SUMF1: variants seen among roughly 807,000 people sequenced by gnomAD.
SUMF1 encodes sulfatase modifying factor 1.
SUMF1 carries 48 observed loss-of-function variants against 47.6 expected under a neutral mutation model. The observed-to-expected ratio is 1.01, with a 90% CI of 0.80 to 1.28. The LOEUF (loss-of-function observed/expected upper bound fraction) is 1.28, where lower values mean the gene tolerates loss of function less well. Ranked by LOEUF, SUMF1 falls within the 50% of genes most tolerant of loss-of-function variation. SUMF1 has a pLI of 0.00. For missense variants in SUMF1, 571 were observed against 485.4 expected (o/e 1.18, Z -1.66); for synonymous variants, 230 against 192.1 (o/e 1.20, Z -1.63).
At chr3:4,435,891 A>C (rs891299526) in intron 3 of SUMF1, among the ~76,000 whole-genome samples, 8 of 152,248 alleles carry the variant, frequency 5.3e-5, no homozygotes, top group Admixed American at 2.0e-4. Context: ...TTTAGGCTGA[A>C]GAGAAATGAT....
At chr3:4,427,595 T>C (rs1702107603) in intron 3 of SUMF1, among the ~76,000 whole-genome samples, 1 of 152,246 alleles carries the variant, frequency 6.6e-6, no homozygotes, top group African/African-American at 2.4e-5. Flanking sequence ...GATGACTTAA[T>C]AGACTGCATG....
intron 8 of SUMF1, among the ~76,000 whole-genome samples, chr3:4,254,686 C>G (rs1333088347): frequency 6.7e-6 from 1 of 149,594 alleles, no homozygotes; most frequent in African/African-American, 2.5e-5. Context: ...TTGGAAAACA[C>G]TCTGCAGGAA....
chr3:4,070,504 C>A (rs1033865484), intron 8 of SUMF1, among the ~76,000 whole-genome samples: 13 of 152,258 alleles, frequency 8.5e-5, no homozygotes, highest in African/African-American at 3.1e-4. Context: ...ACATGAACAA[C>A]CAATGAAATT....
intron 6 of SUMF1, among the ~76,000 whole-genome samples, chr3:4,416,542 T>C (rs1490132935): frequency 6.6e-6 from 1 of 152,194 alleles, no homozygotes; most frequent in African/African-American, 2.4e-5. Context: ...GCAAATACGG[T>C]AGTTAAGAGC....
intron 8 of SUMF1, among the ~76,000 whole-genome samples, chr3:4,352,321 A>C (rs1184268102): frequency 1.3e-5 from 2 of 152,156 alleles, no homozygotes; most frequent in Non-Finnish European, 2.9e-5. Flanking sequence ...CTACTCTGCA[A>C]ATTAAATTAG....
chr3:4,451,962 C>A lies in SUMF1; in HGVS notation c.444+914G>T, dbSNP rs552595690. Among the ~76,000 whole-genome samples the A allele has an allele frequency of 1.5e-4, 23 of 152,258 alleles. 1 individual carries two copies. In the South Asian group the frequency reaches 4.3e-3, roughly 29 times the overall value. On this transcript the variant is annotated intron_variant, in intron 2 of 8. Transcript: ENST00000272902. Reference sequence around the variant, plus strand: ...CCTCCCAACGTGCTGAGATTACAGGCGTGAGCCACCGCGCCTGGCCCAAAA... The same window carrying A: ...CCTCCCAACGTGCTGAGATTACAGGAGTGAGCCACCGCGCCTGGCCCAAAA...
rs560019273 is a variant in SUMF1, at chr3:4,253,110, G to C, written c.1014+123220C>G. The stretch of plus-strand genomic sequence containing the variant: ...ACATGTAGTGTAATGAAAGAAAAAA[G>C]GCACTGTGAAAAGGCTTTTGGGTTA... On this transcript the variant is annotated intron_variant and NMD_transcript_variant, in intron 8 of 12. Coordinates refer to the SUMF1 transcript ENST00000448413. Among the ~76,000 whole-genome samples the C allele has an allele frequency of 3.9e-5, 6 of 152,240 alleles. No homozygotes were observed. The East Asian group carries it at 5.8e-4, about 15-fold the overall frequency.
chr3:4,182,746 G>C (rs1218209602), intron 8 of SUMF1, among the ~76,000 whole-genome samples: 1 of 152,096 alleles, frequency 6.6e-6, no homozygotes, highest in Non-Finnish European at 1.5e-5. Context: ...TGGAACACTT[G>C]CGGTTACACT....
intron 8 of SUMF1, among the ~76,000 whole-genome samples, chr3:4,269,838 T>C (rs927938216): frequency 3.3e-5 from 5 of 152,142 alleles, no homozygotes; most frequent in Non-Finnish European, 7.4e-5. Flanking sequence ...CTCATCCTTC[T>C]CTGGACAGAC....
intron 8 of SUMF1, among the ~76,000 whole-genome samples, chr3:4,250,781 A>G (rs1696784035): frequency 6.6e-6 from 1 of 152,182 alleles, no homozygotes. Flanking sequence ...ATGTCTGTTT[A>G]CAGCATGATT....
At chr3:4,373,592 G>A (rs793938) in intron 8 of SUMF1, among the ~76,000 whole-genome samples, 94,946 of 151,880 alleles carry the variant, frequency 0.63, 33,087 homozygotes, top group East Asian at 0.79. Context: ...TAAAACTCTC[G>A]GCCCAAATGC....
intron 8 of SUMF1, among the ~76,000 whole-genome samples, chr3:4,156,603 G>C (rs566869250): frequency 9.9e-5 from 15 of 151,578 alleles, no homozygotes; most frequent in Admixed American, 9.2e-4. Flanking sequence ...TAGTTTTCTG[G>C]GTGTTAATCC....
chr3:4,094,949 T>G (rs1574877427), intron 8 of SUMF1, among the ~76,000 whole-genome samples: 1 of 152,218 alleles, frequency 6.6e-6, no homozygotes, highest in East Asian at 1.9e-4. Context: ...GGAACCAGTG[T>G]TCTACAGAAC....
intron 3 of SUMF1, among the ~76,000 whole-genome samples, chr3:4,425,371 G>C (rs1432749645): frequency 2.0e-5 from 3 of 152,066 alleles, no homozygotes; most frequent in Non-Finnish European, 4.4e-5. Flanking sequence ...AAAAGTACCT[G>C]GTACAGAGTA....
intron 8 of SUMF1, among the ~76,000 whole-genome samples, chr3:4,093,630 C>T (rs1202588794): frequency 4.0e-5 from 6 of 151,816 alleles, no homozygotes; most frequent in Non-Finnish European, 5.9e-5. Flanking sequence ...CTAAGAATTG[C>T]AAATGGTTTG....
At chr3:4,314,112 T>C in intron 8 of SUMF1, 1 of 340,432 alleles carries the variant, frequency 2.9e-6, no homozygotes, top group Non-Finnish European at 5.4e-6. Flanking sequence ...GCAGTCATCC[T>C]AGACCCCAGG....
chr3:4,080,692 C>T (rs1381031638), intron 8 of SUMF1, among the ~76,000 whole-genome samples: 1 of 151,872 alleles, frequency 6.6e-6, no homozygotes, highest in Non-Finnish European at 1.5e-5. Context: ...TAGCAGGAAC[C>T]AATAAAAGAA....
intron 8 of SUMF1, among the ~76,000 whole-genome samples, chr3:4,298,367 A>C (rs1289907262): frequency 2.0e-5 from 3 of 152,244 alleles, no homozygotes; most frequent in African/African-American, 7.2e-5. Flanking sequence ...TCCTCTCATT[A>C]TTTTAATCTC....
chr3:4,119,824 T>C (rs532395960), intron 8 of SUMF1, among the ~76,000 whole-genome samples: 1 of 152,236 alleles, frequency 6.6e-6, no homozygotes, highest in East Asian at 1.9e-4. Context: ...TGCAGGAAGT[T>C]TTCCTTGGTC....
Sources: allele counts gnomAD v4.1 joint callset (sites outside exome capture counted in the v4.1 genomes callset), GRCh38; gene constraint gnomAD v4.1.1; transcripts MANE v1.5; gene names NCBI Gene and HGNC (gene_info 2026-07-23, HGNC 2026-07-21).